The following KIAA1549L variants were observed in gnomAD, a reference collection of about 807,000 sequenced individuals.
KIAA1549L encodes the protein UPF0606 protein KIAA1549L.
In KIAA1549L, 88 loss-of-function variants were observed where a neutral mutation model predicts 160.7. The ratio of observed to expected loss-of-function variants is 0.55; its 90% CI spans 0.46 to 0.65. KIAA1549L has a LOEUF of 0.65. Ranked by LOEUF, KIAA1549L falls within the 30% of genes least tolerant of loss-of-function variation. The pLI, the probability that KIAA1549L is intolerant of heterozygous loss-of-function variation, is 0.00. For missense variants in KIAA1549L, 2,258 were observed against 2,437.5 expected, an observed-to-expected ratio of 0.93 and a Z score of 1.55; for synonymous variants, 950 against 976.7, an observed-to-expected ratio of 0.97 and a Z score of 0.51.
At chr11:33,379,433 A>G (rs1828272006) in intron 1 of KIAA1549L, among the ~76,000 whole-genome samples, 1 of 152,168 alleles carries the variant, frequency 6.6e-6, no homozygotes, top group Admixed American at 6.5e-5. Flanking sequence ...GCTTCCAGTC[A>G]GTAAGCTCTG....
At chr11:33,406,809 T>C (rs1263429593) in intron 1 of KIAA1549L, among the ~76,000 whole-genome samples, 4 of 152,216 alleles carry the variant, frequency 2.6e-5, no homozygotes, top group Admixed American at 6.5e-5. Context: ...ATTTTTGGGG[T>C]AACAGTTTTG....
chr11:33,479,129 C>G (rs1429736329), intron 1 of KIAA1549L, among the ~76,000 whole-genome samples: 1 of 152,112 alleles, frequency 6.6e-6, no homozygotes, highest in Admixed American at 6.5e-5. Flanking sequence ...ATCCTCTTTG[C>G]CTTTGTTAGG....
chr11:33,545,337 A>T lies in KIAA1549L; in HGVS notation c.3344A>T (p.Asn1115Ile). 6.2e-7 allele frequency: 1 copy of T among 1,612,526 alleles called. No homozygotes were observed. Among genetic ancestry groups the T allele is most frequent in the African/African-American group, 1.3e-5 (1 of 75,024 alleles). The change falls in exon 3 of 21, where the codon AAC becomes ATC. Residue 1115 changes from asparagine (N) to isoleucine (I), a missense_variant. This residue lies in a region of KIAA1549L where 1,359 missense variants were observed against 1,546.6 expected (regional missense o/e 0.88). Transcript: ENST00000658780. ...AVVTTGKMASNLECQMSSKLL... is the reference protein window; with the variant it reads ...AVVTTGKMASILECQMSSKLL... ...GTCACGACTGGCAAAATGGCATCCA[A>T]CCTGGAGTGTCAGATGTCCAGTAAG... is the stretch of plus-strand genomic sequence containing the variant.
intron 4 of KIAA1549L, 143 bp from the exon 5 acceptor site, chr11:33,550,897 A>G: frequency 1.4e-6 from 1 of 708,666 alleles, no homozygotes; most frequent in Non-Finnish European, 2.5e-6. Flanking sequence ...TATGCTTTAT[A>G]GAATTGTTAA....
In KIAA1549L at chr11:33,561,747, T is replaced by C. The variant is rs763786646; in HGVS notation, c.4078+12T>C. 18 of 1,570,866 alleles carry C rather than the reference T, an allele frequency of 1.1e-5. No homozygotes were observed. Among genetic ancestry groups the C allele is most frequent in the Non-Finnish European group, 1.6e-5 (18 of 1,141,088 alleles). ...TTGGGTAATTACAGGTAATCTCTTA[T>C]TTTGTAATTTCCCCTCTTCATGCTG... On this transcript the variant is annotated intron_variant, in intron 8 of 20. Coordinates refer to ENST00000658780, the MANE Select transcript of KIAA1549L (RefSeq NM_012194.3).
At chr11:33,620,989 A>G (rs573735558) in intron 16 of KIAA1549L, among the ~76,000 whole-genome samples, 1 of 152,188 alleles carries the variant, frequency 6.6e-6, no homozygotes, top group East Asian at 1.9e-4. Flanking sequence ...GAAACATGTC[A>G]TTCTTCCCAC....
At chr11:33,443,295 T>A (rs1312760303) in intron 1 of KIAA1549L, among the ~76,000 whole-genome samples, 2 of 152,068 alleles carry the variant, frequency 1.3e-5, no homozygotes, top group African/African-American at 4.8e-5. Flanking sequence ...CCACCATGCT[T>A]GGCCCATTTG....
chr11:33,545,116 C>T lies in KIAA1549L; in HGVS notation c.3123C>T (p.Leu1041=), dbSNP rs770973875. Residue 1041 remains leucine, a synonymous_variant, in exon 3 of 21, where the codon CTC becomes CTT. Coordinates refer to ENST00000658780, the MANE Select transcript of KIAA1549L (RefSeq NM_012194.3). ...CTGGCCTGTTGTCTACAACTTACCTCCCCAGGAAACCACAAGCCATGCACA... is the reference window on the plus strand; with the variant it reads ...CTGGCCTGTTGTCTACAACTTACCTTCCCAGGAAACCACAAGCCATGCACA... ...TASGLLSTTY[L]PRKPQAMHTG... The T allele has an allele frequency of 1.2e-6, 2 of 1,614,010 alleles. No homozygotes were observed. The highest frequency in any genetic ancestry group is 1.7e-6 in the Non-Finnish European group (2 of 1,179,890).
At chr11:33,647,458 C>T (rs1313238303) in intron 17 of KIAA1549L, among the ~76,000 whole-genome samples, 1 of 151,588 alleles carries the variant, frequency 6.6e-6, no homozygotes, top group Non-Finnish European at 1.5e-5. Flanking sequence ...AAAAAGCATC[C>T]AATGACTGAA....
At chr11:33,520,077 C>A (rs1853443995) in intron 1 of KIAA1549L, among the ~76,000 whole-genome samples, 1 of 152,030 alleles carries the variant, frequency 6.6e-6, no homozygotes, top group Non-Finnish European at 1.5e-5. Context: ...ACTATCCATG[C>A]CCTGAACTTA....
intron 11 of KIAA1549L, among the ~76,000 whole-genome samples, chr11:33,588,585 T>C (rs527914314): frequency 6.6e-6 from 1 of 152,252 alleles, no homozygotes; most frequent in East Asian, 1.9e-4. Context: ...TCCAGAAACA[T>C]TTCAGACGTT....
intron 1 of KIAA1549L, among the ~76,000 whole-genome samples, chr11:33,409,790 C>G (rs1199661902): frequency 1.5e-5 from 2 of 129,710 alleles, no homozygotes; most frequent in Non-Finnish European, 3.2e-5. Flanking sequence ...TTTTTCCTGC[C>G]TGTACTTTTA....
At chr11:33,568,850 T>G (rs1855146035) in intron 9 of KIAA1549L, among the ~76,000 whole-genome samples, 1 of 152,142 alleles carries the variant, frequency 6.6e-6, no homozygotes, top group African/African-American at 2.4e-5. Context: ...GGCTTACTTT[T>G]GAGATGTCAA....
intron 1 of KIAA1549L, among the ~76,000 whole-genome samples, chr11:33,504,127 G>A (rs1853020603): frequency 6.6e-6 from 1 of 152,100 alleles, no homozygotes; most frequent in African/African-American, 2.4e-5. Context: ...CAGGCGTGGT[G>A]GCACACACCT....
chr11:33,658,347 C>T (rs867338462), intron 18 of KIAA1549L, among the ~76,000 whole-genome samples: 2 of 152,176 alleles, frequency 1.3e-5, no homozygotes, highest in Non-Finnish European at 2.9e-5. Context: ...CAACCAGGCA[C>T]TCCAGAGAGA....
intron 1 of KIAA1549L, among the ~76,000 whole-genome samples, chr11:33,431,394 T>A (rs2132916004): frequency 6.6e-6 from 1 of 151,336 alleles, no homozygotes; most frequent in African/African-American, 2.4e-5. Context: ...GGGCGCTGAT[T>A]GGTGTGTTTA....
chr11:33,386,785 G>C (rs1850181682), intron 1 of KIAA1549L, among the ~76,000 whole-genome samples: 1 of 151,440 alleles, frequency 6.6e-6, no homozygotes, highest in Non-Finnish European at 1.5e-5. Flanking sequence ...AAGGTGTCTG[G>C]TTTTGTTAGA....
In KIAA1549L at chr11:33,415,177, A is replaced by G. The variant is rs137878369; in HGVS notation, c.238+38288A>G. Reference sequence around the variant, plus strand: ...AAGAGAAGTGAAGTTGTGTTTGGCTAGTTCAGGGCGTTAGACATTTCATAT... The same window carrying G: ...AAGAGAAGTGAAGTTGTGTTTGGCTGGTTCAGGGCGTTAGACATTTCATAT... On this transcript the variant is annotated intron_variant, in intron 1 of 20. Transcript: ENST00000658780. Among the ~76,000 whole-genome samples the G allele has an allele frequency of 3.2e-3, 483 of 152,038 alleles. 4 individuals are homozygous for G. The highest frequency in any genetic ancestry group is 9.8e-3 in the South Asian group (47 of 4,798).
chr11:33,558,313 C>CT (rs1397012252), intron 6 of KIAA1549L, among the ~76,000 whole-genome samples: 4 of 152,132 alleles, frequency 2.6e-5, no homozygotes, highest in African/African-American at 9.7e-5. Flanking sequence ...ACCCAAGGCT[C>CT]TAACAGCTGG....
Sources: allele counts gnomAD v4.1 joint callset (sites outside exome capture counted in the v4.1 genomes callset), GRCh38; gene constraint gnomAD v4.1.1; regional missense constraint gnomAD v4.1.1; transcripts MANE v1.5; gene names NCBI Gene and HGNC (gene_info 2026-07-23, HGNC 2026-07-21).